The following GABRA3 variants were observed in gnomAD, a reference collection of about 807,000 sequenced individuals.
GABRA3 encodes the protein gamma-aminobutyric acid type A receptor subunit alpha3.
Under a neutral mutation model 30.1 loss-of-function variants are expected in GABRA3, and 10 were observed. The observed-to-expected ratio is 0.33, with a 90% CI of 0.20 to 0.56. The LOEUF is 0.56. Ranked by LOEUF, GABRA3 falls within the 20% of genes least tolerant of loss-of-function variation. The probability of loss-of-function intolerance (pLI) is 0.89; values close to 1 mark genes in which losing one functional copy is unlikely to be tolerated. For synonymous variants in GABRA3, 151 were observed against 146.8 expected, an observed-to-expected ratio of 1.03 and a Z score of -0.21; for missense variants, 233 against 392.0, an observed-to-expected ratio of 0.59 and a Z score of 3.42.
chrX:152,210,255 GA>G (rs1306272034), intron 6 of GABRA3, among the ~76,000 whole-genome samples: 4 of 111,685 alleles, frequency 3.6e-5, no homozygotes, highest in Non-Finnish European at 7.5e-5. Flanking sequence ...TTAAAGATGT[GA>G]AAATATCCTT....
intron 1 of GABRA3, among the ~76,000 whole-genome samples, chrX:152,389,793 T>C (rs1402931762): frequency 1.8e-5 from 2 of 111,208 alleles, no homozygotes; most frequent in Admixed American, 9.7e-5. Flanking sequence ...AAAACCATCA[T>C]GCATCAGCTA....
At chrX:152,313,590 TA>T (rs1480433540) in intron 3 of GABRA3, among the ~76,000 whole-genome samples, 2 of 112,091 alleles carry the variant, frequency 1.8e-5, no homozygotes, top group Non-Finnish European at 3.8e-5. Flanking sequence ...TTACTCTAGC[TA>T]GAAATTACCT....
At chrX:152,332,757 C>G (rs908061403) in intron 3 of GABRA3, among the ~76,000 whole-genome samples, 2 of 112,231 alleles carry the variant, frequency 1.8e-5, no homozygotes, top group South Asian at 3.7e-4. Flanking sequence ...CATGCCAACG[C>G]AGAGGCCTGT....
intron 7 of GABRA3, among the ~76,000 whole-genome samples, chrX:152,199,258 A>C (rs5924729): frequency 0.28 from 28,959 of 102,234 alleles, 4,940 homozygotes; most frequent in Non-Finnish European, 0.41. Flanking sequence ...CCCAGATACT[A>C]GGGAGGCTGA....
At chrX:152,248,886 A>T (rs1397008885) in intron 5 of GABRA3, among the ~76,000 whole-genome samples, 1 of 111,961 alleles carries the variant, frequency 8.9e-6, no homozygotes, top group East Asian at 2.8e-4. Flanking sequence ...GCTAGATTTA[A>T]TTATTCTGCA....
At chrX:152,329,435 G>A (rs748562642) in intron 3 of GABRA3, among the ~76,000 whole-genome samples, 18 of 111,699 alleles carry the variant, frequency 1.6e-4, no homozygotes, top group African/African-American at 5.2e-4. Flanking sequence ...CATGCTACCC[G>A]ACTTCAAATT....
At chrX:152,238,349 G>T (rs1938275012) in intron 5 of GABRA3, among the ~76,000 whole-genome samples, 1 of 99,365 alleles carries the variant, frequency 1.0e-5, no homozygotes, top group Non-Finnish European at 2.0e-5. Context: ...AAGCCCACTT[G>T]ATCATGGTGG....
chrX:152,338,368 T>C (rs995688919), intron 3 of GABRA3, among the ~76,000 whole-genome samples: 1 of 112,414 alleles, frequency 8.9e-6, no homozygotes, highest in Non-Finnish European at 1.9e-5. Flanking sequence ...TTGTCTATTT[T>C]TAAATTGGAT....
chrX:152,336,181 TC>T (rs1258588126), intron 3 of GABRA3, among the ~76,000 whole-genome samples: 2 of 108,712 alleles, frequency 1.8e-5, no homozygotes, highest in African/African-American at 6.7e-5. Flanking sequence ...ATTCAATATC[TC>T]CCCCCCTTCA....
intron 2 of GABRA3, among the ~76,000 whole-genome samples, chrX:152,361,782 G>A (rs893759658): frequency 9.0e-6 from 1 of 110,506 alleles, no homozygotes; most frequent in African/African-American, 3.3e-5. Context: ...GCATGCAACC[G>A]TGAATTTTCT....
chrX:152,306,824 T>G (rs915623731), intron 3 of GABRA3, among the ~76,000 whole-genome samples: 1 of 111,929 alleles, frequency 8.9e-6, no homozygotes, highest in African/African-American at 3.2e-5. Context: ...CAGAATCTGC[T>G]CTTTTAATTT....
rs186366348 is a variant in GABRA3 at position 152,306,721 on chromosome X, C to T, written c.263-21986G>A. Among the ~76,000 whole-genome samples, 20 of 112,101 alleles carry T rather than the reference C, an allele frequency of 1.8e-4. No individual in the cohort carries two copies. The East Asian group carries it at 4.2e-3, about 24-fold the overall frequency. ...CCTGTTAGAAAAAACAAAACAAAAC[C>T]GTACCTTCTAAATACACTGCCAATC... On this transcript the variant is annotated intron_variant, in intron 3 of 9. Coordinates refer to ENST00000370314, the MANE Select transcript of GABRA3 (RefSeq NM_000808.4).
At chrX:152,206,418 C>T (rs763553854) in intron 7 of GABRA3, among the ~76,000 whole-genome samples, 2 of 112,072 alleles carry the variant, frequency 1.8e-5, no homozygotes, top group Admixed American at 1.9e-4. Context: ...CGTGAGGGGA[C>T]AGGAGGGTGT....
chrX:152,225,200 G>T (rs1221605087), intron 5 of GABRA3, among the ~76,000 whole-genome samples: 1 of 110,072 alleles, frequency 9.1e-6, no homozygotes, highest in Non-Finnish European at 1.9e-5. Flanking sequence ...AATTATTTCC[G>T]AAATATTTCT....
intron 3 of GABRA3, among the ~76,000 whole-genome samples, chrX:152,343,599 A>G (rs1940347470): frequency 9.0e-6 from 1 of 110,563 alleles, no homozygotes; most frequent in African/African-American, 3.3e-5. Context: ...GCAGTCACCA[A>G]ATTCTCTCCA....
chrX:152,194,959 T>TATG (rs1200036008), intron 8 of GABRA3, among the ~76,000 whole-genome samples: 3 of 110,926 alleles, frequency 2.7e-5, no homozygotes, highest in African/African-American at 9.8e-5. Flanking sequence ...GAGGTCTCCC[T>TATG]ATGTTTCCCA....
At chrX:152,241,297 A>C (rs1375471154) in intron 5 of GABRA3, among the ~76,000 whole-genome samples, 6 of 83,711 alleles carry the variant, frequency 7.2e-5, no homozygotes, top group African/African-American at 2.0e-4. Flanking sequence ...GGTGCCTCCC[A>C]GTTAGGCTGC....
chrX:152,422,048 A>G (rs1930385504), intron 1 of GABRA3, among the ~76,000 whole-genome samples: 3 of 111,402 alleles, frequency 2.7e-5, no homozygotes, highest in Non-Finnish European at 3.8e-5. Context: ...CATCTTAGTT[A>G]TACAGACAAC....
intron 7 of GABRA3, among the ~76,000 whole-genome samples, chrX:152,203,533 G>A (rs1301646052): frequency 8.9e-6 from 1 of 111,755 alleles, no homozygotes; most frequent in Non-Finnish European, 1.9e-5. Flanking sequence ...ACACTTGTTG[G>A]CTTCAAACAG....
Sources: allele counts gnomAD v4.1 joint callset (sites outside exome capture counted in the v4.1 genomes callset), GRCh38; gene constraint gnomAD v4.1.1; transcripts MANE v1.5; gene names NCBI Gene and HGNC (gene_info 2026-07-23, HGNC 2026-07-21).